The following PTH2R variants were observed in gnomAD, a reference collection of about 807,000 sequenced individuals.
PTH2R encodes the protein PTH2 receptor.
Under a neutral mutation model 60.3 loss-of-function variants are expected in PTH2R, and 59 were observed. That is an observed-to-expected ratio of 0.98 (90% CI 0.79 to 1.22). The LOEUF is 1.22. Among genes scored for constraint, PTH2R ranks in the 50% most tolerant of loss-of-function variants. PTH2R has a pLI of 0.00. For synonymous variants in PTH2R, 256 were observed against 243.8 expected, an observed-to-expected ratio of 1.05 and a Z score of -0.47; for missense variants, 749 against 682.6, an observed-to-expected ratio of 1.10 and a Z score of -1.08.
At chr2:208,467,577 T>A (rs1702781680) in intron 9 of PTH2R, among the ~76,000 whole-genome samples, 2 of 152,202 alleles carry the variant, frequency 1.3e-5, no homozygotes, top group Non-Finnish European at 2.9e-5. Context: ...ACATGATTCA[T>A]CCTAACTTTA....
chr2:208,364,199 A>G (rs1700535120), intron 1 of PTH2R, among the ~76,000 whole-genome samples: 1 of 152,124 alleles, frequency 6.6e-6, no homozygotes, highest in African/African-American at 2.4e-5. Flanking sequence ...TGTGTCCTTC[A>G]ATGAACAAAA....
At chr2:208,435,192 C>CA (rs1223892048) in intron 2 of PTH2R, among the ~76,000 whole-genome samples, 2 of 152,106 alleles carry the variant, frequency 1.3e-5, no homozygotes, top group Non-Finnish European at 2.9e-5. Context: ...AACAACTTGA[C>CA]AAAATGAACA....
chr2:208,424,357 A>G (rs985235840), intron 1 of PTH2R, among the ~76,000 whole-genome samples: 1 of 152,178 alleles, frequency 6.6e-6, no homozygotes, highest in African/African-American at 2.4e-5. Context: ...ATAAGTGGTT[A>G]GCTGTCCTTG....
intron 1 of PTH2R, among the ~76,000 whole-genome samples, chr2:208,373,582 A>G (rs937587497): frequency 1.3e-5 from 2 of 152,116 alleles, no homozygotes; most frequent in Non-Finnish European, 2.9e-5. Flanking sequence ...CCCTGCTCAT[A>G]CTGTTGGAGG....
intron 9 of PTH2R, among the ~76,000 whole-genome samples, chr2:208,462,618 A>G (rs1173064120): frequency 6.6e-6 from 1 of 152,240 alleles, no homozygotes; most frequent in East Asian, 1.9e-4. Context: ...GACAGTGATT[A>G]TTTCACTTAG....
At chr2:208,359,918 G>C in exon 1 of PTH2R, 1 of 236,066 alleles carries the variant, frequency 4.2e-6, no homozygotes, top group Non-Finnish European at 8.7e-6. Flanking sequence ...ACCGGGAGGT[G>C]GCAGATCTGC....
intron 1 of PTH2R, among the ~76,000 whole-genome samples, chr2:208,417,157 G>A (rs898961467): frequency 1.3e-5 from 2 of 152,126 alleles, no homozygotes; most frequent in Non-Finnish European, 2.9e-5. Flanking sequence ...AGTAGTGATG[G>A]ATGAATCTCA....
chr2:208,431,762 C>G (rs1278754043), intron 2 of PTH2R, among the ~76,000 whole-genome samples: 2 of 152,188 alleles, frequency 1.3e-5, no homozygotes, highest in Non-Finnish European at 2.9e-5. Flanking sequence ...TCCACCCCAT[C>G]AGGCCTCAGG....
At chr2:208,410,901 C>T (rs1421711697) in intron 1 of PTH2R, among the ~76,000 whole-genome samples, 1 of 152,096 alleles carries the variant, frequency 6.6e-6, no homozygotes, top group Non-Finnish European at 1.5e-5. Context: ...GTGTTAATTA[C>T]AAATTGTGGT....
In PTH2R at chr2:208,407,019, GCTT is replaced by G. The variant is rs1234448327; in HGVS notation, c.-20_-18del. On this transcript the variant is annotated 5_prime_UTR_variant, in exon 1 of 13. Coordinates refer to ENST00000272847, the MANE Select transcript of PTH2R (RefSeq NM_005048.4). ...TCCCGGGCTCTGGAGGAGGGTCCCT[GCTT>G]CTTCCTACAGCCGTTCCGGGCATGG... The G allele has an allele frequency of 5.1e-6, 7 of 1,379,788 alleles. No individual in the cohort carries two copies. The highest frequency in any genetic ancestry group is 6.6e-6 in the Non-Finnish European group (7 of 1,060,900). The allele number at this position is 1,379,788 out of a possible 1,614,324, so 85.5% of individuals were successfully genotyped here. A position where few individuals can be genotyped will look rare whatever the true frequency, so the allele number is the denominator to read the frequency against.
intron 2 of PTH2R, among the ~76,000 whole-genome samples, chr2:208,429,440 T>C (rs114291971): frequency 0.046 from 7,023 of 152,214 alleles, 327 homozygotes; most frequent in African/African-American, 0.11. Context: ...TCCTGGTGAA[T>C]TAAACCTTTT....
intron 1 of PTH2R, among the ~76,000 whole-genome samples, chr2:208,399,037 A>G (rs888682453): frequency 5.3e-5 from 8 of 152,246 alleles, no homozygotes; most frequent in Non-Finnish European, 1.2e-4. Context: ...TCGTTCAAAC[A>G]AAGGGAATAA....
intron 1 of PTH2R, among the ~76,000 whole-genome samples, chr2:208,379,019 A>C (rs1256923190): frequency 6.6e-6 from 1 of 152,154 alleles, no homozygotes; most frequent in East Asian, 1.9e-4. Flanking sequence ...GTGTTAACTG[A>C]AGACACAGTT....
chr2:208,423,964 G>A (rs1305943951), intron 1 of PTH2R, among the ~76,000 whole-genome samples: 1 of 152,186 alleles, frequency 6.6e-6, no homozygotes, highest in Non-Finnish European at 1.5e-5. Flanking sequence ...TCCTCCGTCA[G>A]CTATCACTGA....
chr2:208,414,665 A>G (rs1463655069), intron 1 of PTH2R, among the ~76,000 whole-genome samples: 2 of 152,180 alleles, frequency 1.3e-5, no homozygotes, highest in Non-Finnish European at 2.9e-5. Context: ...TAGAACAAAA[A>G]TGGACAAACT....
chr2:208,393,536 G>T (rs981382771), intron 1 of PTH2R, among the ~76,000 whole-genome samples: 3 of 152,150 alleles, frequency 2.0e-5, no homozygotes, highest in Non-Finnish European at 4.4e-5. Flanking sequence ...TAGTGGAATG[G>T]AGTTTCCACC....
At chr2:208,431,956 G>A (rs1212264162) in intron 2 of PTH2R, among the ~76,000 whole-genome samples, 2 of 152,180 alleles carry the variant, frequency 1.3e-5, no homozygotes, top group Non-Finnish European at 2.9e-5. Flanking sequence ...TATAGCCTTT[G>A]TAGGTATCTT....
intron 1 of PTH2R, among the ~76,000 whole-genome samples, chr2:208,407,363 G>T (rs1392157621): frequency 6.6e-6 from 1 of 152,210 alleles, no homozygotes. Flanking sequence ...CCTGGCATCC[G>T]CAAAGTAAGG....
chr2:208,364,819 T>G lies in PTH2R; in HGVS notation c.-259+4582T>G, dbSNP rs112866869. On this transcript the variant is annotated intron_variant, in intron 1 of 12. Coordinates refer to the PTH2R transcript ENST00000617735. ...ATGAATGTGAGATGTTTCTATTTAT[T>G]TATCTCTTCTTTGATTTCTTTCAGT... is the stretch of plus-strand genomic sequence containing the variant. 8.8e-3 allele frequency among the ~76,000 whole-genome samples: 1,345 copies of G among 152,236 alleles called. 21 individuals are homozygous for G. The highest frequency in any genetic ancestry group is 0.031 in the African/African-American group (1,268 of 41,556).
Sources: allele counts gnomAD v4.1 joint callset (sites outside exome capture counted in the v4.1 genomes callset), GRCh38; gene constraint gnomAD v4.1.1; transcripts MANE v1.5; gene names NCBI Gene and HGNC (gene_info 2026-07-23, HGNC 2026-07-21).